The following MARF1 variants were observed in gnomAD, a reference collection of about 807,000 sequenced individuals.
MARF1 encodes limkain-b1.
Under a neutral mutation model 168.2 loss-of-function variants are expected in MARF1, and 24 were observed. That is an observed-to-expected ratio of 0.14 (90% CI 0.10 to 0.20). The LOEUF is 0.20. Among genes scored for constraint, MARF1 ranks in the 10% least tolerant of loss-of-function variants. The pLI, the probability that MARF1 is intolerant of heterozygous loss-of-function variation, is 1.00. For synonymous variants in MARF1, 868 were observed against 822.4 expected (o/e 1.06, Z -0.95); for missense variants, 1,744 against 2,143.6 (o/e 0.81, Z 3.68).
rs376199881 is a variant in MARF1, at chr16:15,625,067, G to A, written c.2060C>T (p.Ser687Leu). ...TGCCACCCCCGAGTTTTTCGGCGTC[G>A]ACACTGCAGCACTTGAGTTACCGTG... ...PTHGNSSAAVSTPKNSGVAEP... is the reference protein window; with the variant it reads ...PTHGNSSAAVLTPKNSGVAEP... Residue 687 changes from serine (S) to leucine (L), a missense_variant, in exon 9 of 27, where the codon TCG becomes TTG. Coordinates refer to ENST00000396368, the MANE Select transcript of MARF1 (RefSeq NM_014647.4). The A allele has an allele frequency of 1.1e-4, 174 of 1,614,022 alleles. No individual in the cohort carries two copies. Among genetic ancestry groups the A allele is most frequent in the Non-Finnish European group, 1.3e-4 (158 of 1,180,048 alleles).
rs1427284643 is a variant in MARF1 at position 15,639,053 on chromosome 16, A to C, written c.144+37T>G. The C allele has an allele frequency of 2.5e-6, 4 of 1,590,728 alleles. No homozygotes were observed. The African/African-American group carries it at 5.4e-5, about 21-fold the overall frequency. Reference sequence around the variant, plus strand: ...TGGACCTCTCTCATCTATTTGGATGAGGAATCTGCTACATCCTTAGTCTTG... The same window carrying C: ...TGGACCTCTCTCATCTATTTGGATGCGGAATCTGCTACATCCTTAGTCTTG... On this transcript the variant is annotated intron_variant, in intron 2 of 26. Transcript: ENST00000396368.
chr16:15,612,527 G>A (rs1596461092), intron 17 of MARF1, 30 bp downstream of exon 17: 2 of 1,577,610 alleles, frequency 1.3e-6, no homozygotes, highest in African/African-American at 1.3e-5. Context: ...ATTCCTGCCT[G>A]TAAACAAGTA....
rs1242713304 is a variant in MARF1 at position 15,636,020 on chromosome 16, G to C, written c.467C>G (p.Ser156Cys). The change falls in exon 3 of 27, where the codon TCT becomes TGT. Residue 156 changes from serine (S) to cysteine (C), a missense_variant. Ser to Cys is a moderately radical substitution (Grantham distance 112, BLOSUM62 -1). This residue lies in a region of MARF1 where 318 missense variants were observed against 336.6 expected (regional missense o/e 0.94). Transcript: ENST00000396368. ...TGAGGCATTCTGGAGTGAAGATGCAGACTGGAAAGCAAACCCTGACCCTAC... is the reference window on the plus strand; with the variant it reads ...TGAGGCATTCTGGAGTGAAGATGCACACTGGAAAGCAAACCCTGACCCTAC... The part of the protein sequence containing the change: ...CQVGSGFAFQ[S>C]ASSLQNASAR... 41 of 1,614,088 alleles carry C rather than the reference G, an allele frequency of 2.5e-5. No individual in the cohort carries two copies. In the Admixed American group the frequency reaches 6.8e-4, roughly 27 times the overall value.
At chr16:15,611,927 C>CT (rs2033597511) in intron 17 of MARF1, among the ~76,000 whole-genome samples, 193 bp from the exon 18 acceptor site, 1 of 152,162 alleles carries the variant, frequency 6.6e-6, no homozygotes, top group Admixed American at 6.5e-5. Context: ...TTCTGAAACT[C>CT]TTATCGTTTT....
At chr16:15,599,154 TAAAAAAA>T (rs565989147) in intron 25 of MARF1, 130 bp from the exon 26 acceptor site, 61 of 299,244 alleles carry the variant, frequency 2.0e-4, no homozygotes, top group African/African-American at 1.2e-3. Context: ...TTTAAGGTAT[TAAAAAAA>T]AAAAAAAAAA....
intron 24 of MARF1, 24 bp downstream of exon 24, chr16:15,600,617 G>A (rs2032331467): frequency 6.2e-7 from 1 of 1,614,040 alleles, no homozygotes; most frequent in Admixed American, 1.7e-5. Flanking sequence ...TTTTTAAGGG[G>A]GGAGGGGATG....
rs2031647420 is a variant in MARF1 at position 15,596,043 on chromosome 16, G to A, written c.*650C>T. ...CTAAATGGAACCCCAAAGTAGAAAC[G>A]TTTAAAAAAATTTGTGATGAAGCCA... is the stretch of plus-strand genomic sequence containing the variant. On this transcript the variant is annotated 3_prime_UTR_variant, in exon 27 of 27. Coordinates refer to ENST00000396368, the MANE Select transcript of MARF1 (RefSeq NM_014647.4). 1 of 152,508 alleles carries A rather than the reference G, an allele frequency of 6.6e-6. No individual in the cohort carries two copies. The highest frequency in any genetic ancestry group is 2.1e-4 in the South Asian group (1 of 4,828). The allele number at this position is 152,508 out of a possible 1,614,324, so 9.4% of individuals were successfully genotyped here.
chr16:15,600,364 C>T (rs1006456357), intron 25 of MARF1, 64 bp downstream of exon 25: 77 of 1,604,836 alleles, frequency 4.8e-5, no homozygotes, highest in Middle Eastern at 2.0e-4. Context: ...TCGCTCTCCC[C>T]GACCCCAAAG....
At chr16:15,639,041 T>C (rs113416963) in intron 2 of MARF1, 49 bp downstream of exon 2, 7 of 1,574,180 alleles carry the variant, frequency 4.4e-6, no homozygotes, top group Non-Finnish European at 6.0e-6. Flanking sequence ...ACCTCTCTCA[T>C]CTATTTGGAT....
Position 15,623,079 on chromosome 16 carries a change from A to G in MARF1, c.2315T>C (p.Phe772Ser). 1.2e-6 allele frequency: 2 copies of G among 1,610,354 alleles called. No individual in the cohort carries two copies. Among genetic ancestry groups the G allele is most frequent in the Non-Finnish European group, 1.7e-6 (2 of 1,176,858 alleles). ...NLLNRASPLA[F>S]NIANSSSEAD... ...TTCGCTGCTCGAATTTGCAATGTTG[A>G]AAGCAAGCGGGGATGCTCTGTTTAA... The change falls in exon 11 of 27, where the codon TTC (phenylalanine) becomes TCC (serine). Residue 772 changes from phenylalanine (F) to serine (S), a missense_variant. This residue lies in a region of MARF1 where 270 missense variants were observed against 260.6 expected (regional missense o/e 1.04). Coordinates refer to ENST00000396368, the MANE Select transcript of MARF1 (RefSeq NM_014647.4).
chr16:15,631,249 C>A (rs571624527), intron 6 of MARF1, 132 bp downstream of exon 6: 5 of 574,150 alleles, frequency 8.7e-6, no homozygotes, highest in African/African-American at 5.6e-5. Context: ...CAGTTCTCAA[C>A]AATAACCATA....
chr16:15,597,835 AG>A (rs1359848819), intron 26 of MARF1, among the ~76,000 whole-genome samples: 1 of 151,748 alleles, frequency 6.6e-6, no homozygotes, highest in African/African-American at 2.4e-5. Flanking sequence ...CACCAACCCT[AG>A]GGGGGCACTG....
chr16:15,609,418 T>A (rs1555522303), intron 20 of MARF1, 105 bp downstream of exon 20: 2 of 886,370 alleles, frequency 2.3e-6, no homozygotes, highest in Non-Finnish European at 3.5e-6. Flanking sequence ...TTCATCCTCT[T>A]TCGTAACTCC....
chr16:15,631,512 T>C lies in MARF1; in HGVS notation c.1234-14A>G. 1 of 1,570,296 alleles carries C rather than the reference T, an allele frequency of 6.4e-7. No homozygotes were observed. The highest frequency in any genetic ancestry group is 8.8e-7 in the Non-Finnish European group (1 of 1,142,182). On this transcript the variant is annotated splice_polypyrimidine_tract_variant and intron_variant, in intron 5 of 26. Transcript: ENST00000396368. ...GGCAACGGTTACCTGCATTAATTTA[T>C]AATAAGGGTGAATAAGCAGGAGCTG...
rs768195354 is a variant in MARF1, at chr16:15,608,355, C to T, written c.4118G>A (p.Arg1373His). The T allele has an allele frequency of 8.7e-6, 14 of 1,612,292 alleles. No individual in the cohort carries two copies. Among genetic ancestry groups the T allele is most frequent in the African/African-American group, 2.7e-5 (2 of 74,338 alleles). The change falls in exon 21 of 27, where the codon CGT becomes CAT. Residue 1373 changes from arginine to histidine, a missense_variant. Transcript: ENST00000396368. Reference protein sequence around the residue: ...EYAKTFGYTFRLQDYDVSSIS... With the variant: ...EYAKTFGYTFHLQDYDVSSIS... ...GGAACTGACATCATAGTCTTGGAGA[C>T]GAAATGTATAACCAAAAGTTTTAGC...
chr16:15,631,355 A>G, intron 6 of MARF1, 26 bp downstream of exon 6: 1 of 1,483,314 alleles, frequency 6.7e-7, no homozygotes, highest in Non-Finnish European at 9.4e-7. Flanking sequence ...AGTTTAGCTG[A>G]AATTAGCAGA....
intron 10 of MARF1, among the ~76,000 whole-genome samples, chr16:15,624,255 C>G (rs2034677296): frequency 6.6e-6 from 1 of 152,192 alleles, no homozygotes; most frequent in African/African-American, 2.4e-5. Flanking sequence ...CTGCCACCAA[C>G]TCAGCAGAAC....
intron 21 of MARF1, among the ~76,000 whole-genome samples, chr16:15,607,663 G>A (rs1010504259): frequency 7.2e-5 from 11 of 152,328 alleles, no homozygotes; most frequent in Middle Eastern, 3.4e-3. Context: ...TGAGGGTGCC[G>A]TCCTTCATGC....
intron 2 of MARF1, among the ~76,000 whole-genome samples, chr16:15,638,633 T>TA (rs1567595110): frequency 6.6e-6 from 1 of 151,402 alleles, no homozygotes; most frequent in African/African-American, 2.4e-5. Context: ...AGCAAGAAGT[T>TA]AGAGACATAA....
Sources: allele counts gnomAD v4.1 joint callset (sites outside exome capture counted in the v4.1 genomes callset), GRCh38; gene constraint gnomAD v4.1.1; regional missense constraint gnomAD v4.1.1; transcripts MANE v1.5; gene names NCBI Gene and HGNC (gene_info 2026-07-23, HGNC 2026-07-21).